MICU1: variants seen among roughly 807,000 people sequenced by gnomAD.
The protein encoded by MICU1 is mitochondrial calcium uptake 1, also known as calcium uptake protein 1, mitochondrial.
A neutral mutation model predicts 56.8 loss-of-function variants in MICU1; 45 were observed. The ratio of observed to expected loss-of-function variants is 0.79; its 90% CI spans 0.62 to 1.02. The LOEUF (loss-of-function observed/expected upper bound fraction) is 1.02, where lower values mean the gene tolerates loss of function less well. Ranked by LOEUF, MICU1 falls within the 50% of genes least tolerant of loss-of-function variation. The probability of loss-of-function intolerance (pLI) is 0.00; values close to 1 mark genes in which losing one functional copy is unlikely to be tolerated. For synonymous variants in MICU1, 186 were observed against 195.1 expected (o/e 0.95, Z 0.39); for missense variants, 504 against 587.1 (o/e 0.86, Z 1.46).
intron 5 of MICU1, among the ~76,000 whole-genome samples, chr10:72,510,929 G>C (rs901667590): frequency 2.0e-5 from 3 of 152,192 alleles, no homozygotes; most frequent in Non-Finnish European, 4.4e-5. Context: ...ACTGCGACCA[G>C]CCAAATCCAG....
intron 11 of MICU1, among the ~76,000 whole-genome samples, chr10:72,373,854 T>C (rs1442779597): frequency 6.6e-6 from 1 of 152,208 alleles, no homozygotes; most frequent in African/African-American, 2.4e-5. Context: ...TTAATATATG[T>C]CTACAGCACT....
intron 1 of MICU1, among the ~76,000 whole-genome samples, chr10:72,588,913 A>G (rs1449613336): frequency 6.6e-6 from 1 of 152,238 alleles, no homozygotes; most frequent in Non-Finnish European, 1.5e-5. Context: ...TCAAACAACA[A>G]AAAATCCCAC....
chr10:72,544,733 C>T (rs1839857355), intron 4 of MICU1, among the ~76,000 whole-genome samples: 1 of 152,194 alleles, frequency 6.6e-6, no homozygotes, highest in Non-Finnish European at 1.5e-5. Flanking sequence ...ATTCAGACTT[C>T]ATAGAGAGGG....
intron 10 of MICU1, among the ~76,000 whole-genome samples, chr10:72,382,090 G>A (rs1862729071): frequency 1.3e-5 from 2 of 151,520 alleles, no homozygotes; most frequent in Non-Finnish European, 2.9e-5. Flanking sequence ...GTGTGTATTT[G>A]GTACGAGTTA....
rs75428693 is a variant in MICU1, at chr10:72,544,773, A to G, written c.493+6406T>C. ...GGGACATATTCAAATCGTACAGAAT[A>G]TTTTTTTCCTTTTAATGTCTGTCCT... is the stretch of plus-strand genomic sequence containing the variant. On this transcript the variant is annotated intron_variant, in intron 4 of 11. Transcript: ENST00000361114. Among the ~76,000 whole-genome samples, 54 of 152,182 alleles carry G rather than the reference A, an allele frequency of 3.5e-4. 2 individuals carry two copies. Among genetic ancestry groups the G allele is most frequent in the East Asian group, 2.7e-3 (14 of 5,182 alleles).
chr10:72,509,284 A>G, intron 5 of MICU1: 4 of 835,018 alleles, frequency 4.8e-6, no homozygotes, highest in Non-Finnish European at 5.2e-6. Flanking sequence ...ATGTCATGCA[A>G]GCATAAAGTA....
intron 1 of MICU1, among the ~76,000 whole-genome samples, chr10:72,570,039 G>A (rs1465835787): frequency 6.6e-6 from 1 of 152,068 alleles, no homozygotes; most frequent in East Asian, 1.9e-4. Flanking sequence ...TCTACCTCCT[G>A]GGTTCAACCA....
At chr10:72,413,013 A>G (rs1229113546) in intron 9 of MICU1, among the ~76,000 whole-genome samples, 3 of 152,006 alleles carry the variant, frequency 2.0e-5, no homozygotes, top group South Asian at 2.1e-4. Context: ...CCTGGCCAAC[A>G]TGGTGAAACC....
At chr10:72,536,233 T>C (rs1839631535) in intron 4 of MICU1, among the ~76,000 whole-genome samples, 1 of 148,826 alleles carries the variant, frequency 6.7e-6, no homozygotes, top group Non-Finnish European at 1.5e-5. Context: ...TGTTTGATGG[T>C]GATATGCTAA....
chr10:72,470,577 T>C (rs1865920512), intron 8 of MICU1, among the ~76,000 whole-genome samples: 1 of 152,000 alleles, frequency 6.6e-6, no homozygotes, highest in South Asian at 2.1e-4. Flanking sequence ...ACCACAGCAA[T>C]AGCCACTTCC....
Position 72,563,064 on chromosome 10 carries a change from C to A in MICU1, c.162-1G>T. ...ACATGGTGGAGATTCTGCATGGGCC[C>A]TGGATATGCAAAAAAGAAATCTAGA... On this transcript the variant is annotated splice_acceptor_variant, in intron 2 of 11. Coordinates refer to ENST00000361114, the MANE Select transcript of MICU1 (RefSeq NM_001195518.2). LOFTEE classifies it high-confidence loss of function. 1 of 1,527,896 alleles carries A rather than the reference C, an allele frequency of 6.5e-7. No homozygotes were observed. The highest frequency in any genetic ancestry group is 8.8e-7 in the Non-Finnish European group (1 of 1,140,880). The allele number at this position is 1,527,896 out of a possible 1,614,324, so 94.6% of individuals were successfully genotyped here. A position where few individuals can be genotyped will look rare whatever the true frequency, so the allele number is the denominator to read the frequency against.
intron 6 of MICU1, among the ~76,000 whole-genome samples, chr10:72,505,808 T>G (rs1476650674): frequency 6.6e-6 from 1 of 152,040 alleles, no homozygotes; most frequent in Admixed American, 6.6e-5. Flanking sequence ...TAGGGACTAC[T>G]ACAGAGGGTA....
chr10:72,470,771 A>G (rs1324157372), intron 8 of MICU1, among the ~76,000 whole-genome samples: 1 of 152,172 alleles, frequency 6.6e-6, no homozygotes, highest in African/African-American at 2.4e-5. Context: ...ATATGGGAAG[A>G]ATGGATTCAG....
rs535442972 is a variant in MICU1, at chr10:72,513,385, C to T, written c.538-5116G>A. The stretch of plus-strand genomic sequence containing the variant: ...GAGAAATGTCTATCCAAATCCTTTG[C>T]TCATTTTTGAATTTGTTATTTCTCA... On this transcript the variant is annotated intron_variant, in intron 5 of 11. Coordinates refer to ENST00000361114, the MANE Select transcript of MICU1 (RefSeq NM_001195518.2). Among the ~76,000 whole-genome samples the T allele has an allele frequency of 9.2e-5, 14 of 152,200 alleles. No individual in the cohort carries two copies. In the South Asian group the frequency reaches 2.7e-3, roughly 29 times the overall value.
At chr10:72,433,429 A>ATTTTTTTT (rs1230364146) in intron 8 of MICU1, among the ~76,000 whole-genome samples, 2 of 120,770 alleles carry the variant, frequency 1.7e-5, no homozygotes, top group Non-Finnish European at 1.8e-5. Flanking sequence ...GTATTTTTGT[A>ATTTTTTTT]TTTTTTTTTT....
intron 4 of MICU1, among the ~76,000 whole-genome samples, chr10:72,543,352 G>A (rs1839819650): frequency 6.6e-6 from 1 of 152,080 alleles, no homozygotes; most frequent in Non-Finnish European, 1.5e-5. Flanking sequence ...CAAATTAAAA[G>A]TGCTCTAAGG....
intron 5 of MICU1, among the ~76,000 whole-genome samples, chr10:72,512,487 T>C (rs1298270298): frequency 1.3e-5 from 2 of 152,170 alleles, no homozygotes; most frequent in Non-Finnish European, 2.9e-5. Flanking sequence ...TGGGATTGTA[T>C]CTTTCCAGAT....
chr10:72,472,262 C>A (rs1436221274), intron 8 of MICU1, among the ~76,000 whole-genome samples: 1 of 152,104 alleles, frequency 6.6e-6, no homozygotes, highest in Non-Finnish European at 1.5e-5. Context: ...AAAAGGAAAA[C>A]GTCGCTAACT....
chr10:72,593,469 A>G (rs1841284790), intron 1 of MICU1, among the ~76,000 whole-genome samples: 1 of 151,440 alleles, frequency 6.6e-6, no homozygotes. Context: ...GGTTGTAGTG[A>G]GCCAAGATCG....
Sources: allele counts gnomAD v4.1 joint callset (sites outside exome capture counted in the v4.1 genomes callset), GRCh38; gene constraint gnomAD v4.1.1; transcripts MANE v1.5; gene names NCBI Gene and HGNC (gene_info 2026-07-23, HGNC 2026-07-21).